The following TMOD1 variants were observed in gnomAD, a reference collection of about 807,000 sequenced individuals.
TMOD1 encodes tropomodulin-1.
TMOD1 carries 17 observed loss-of-function variants against 40.6 expected under a neutral mutation model. The ratio of observed to expected loss-of-function variants is 0.42; its 90% CI spans 0.29 to 0.63. TMOD1 has a LOEUF of 0.63. Among genes scored for constraint, TMOD1 ranks in the 20% least tolerant of loss-of-function variants. The probability of loss-of-function intolerance (pLI) is 0.22; values close to 1 mark genes in which losing one functional copy is unlikely to be tolerated. For synonymous variants in TMOD1, 181 were observed against 175.0 expected (o/e 1.03, Z -0.27); for missense variants, 391 against 447.6 (o/e 0.87, Z 1.14).
intron 3 of TMOD1, 29 bp from the exon 4 acceptor site, chr9:97,553,252 C>T (rs752589934): frequency 2.5e-6 from 4 of 1,613,120 alleles, no homozygotes; most frequent in East Asian, 2.2e-5. Flanking sequence ...TGCAGCCACT[C>T]CCGTAACAGG....
chr9:97,544,735 G>C (rs10982644), intron 2 of TMOD1, among the ~76,000 whole-genome samples: 3 of 151,832 alleles, frequency 2.0e-5, no homozygotes, highest in African/African-American at 4.8e-5. Context: ...AAGATTGAAA[G>C]TGGGGCTGGG....
chr9:97,555,653 C>T, intron 4 of TMOD1: 1 of 1,551,120 alleles, frequency 6.4e-7, no homozygotes, highest in Non-Finnish European at 8.7e-7. Flanking sequence ...AAGATGGCAG[C>T]ATCTCTGGGG....
intron 2 of TMOD1, among the ~76,000 whole-genome samples, chr9:97,530,632 C>T (rs1015113185): frequency 1.3e-5 from 2 of 151,888 alleles, no homozygotes; most frequent in African/African-American, 4.8e-5. Flanking sequence ...GGACTACAGG[C>T]GCCCGCCACC....
intron 1 of TMOD1, among the ~76,000 whole-genome samples, chr9:97,503,292 A>G (rs554018764): frequency 1.6e-4 from 24 of 152,102 alleles, no homozygotes; most frequent in South Asian, 1.2e-3. Context: ...GCACCCGATC[A>G]ATGCCCCCTC....
At chr9:97,568,864 G>T in intron 7 of TMOD1, 30 bp from the exon 8 acceptor site, 1 of 1,611,356 alleles carries the variant, frequency 6.2e-7, no homozygotes, top group Non-Finnish European at 8.5e-7. Context: ...GGTGACTCAT[G>T]GGTATCCTTG....
chr9:97,504,598 C>T (rs1829561146), intron 1 of TMOD1, among the ~76,000 whole-genome samples: 1 of 152,142 alleles, frequency 6.6e-6, no homozygotes. Context: ...CCTTCATCCC[C>T]TGGAATGAGC....
intron 8 of TMOD1, among the ~76,000 whole-genome samples, chr9:97,572,277 G>A (rs1830830724): frequency 6.6e-6 from 1 of 152,168 alleles, no homozygotes; most frequent in South Asian, 2.1e-4. Flanking sequence ...TACCCCCAGA[G>A]GAAAGCCAGA....
intron 2 of TMOD1, among the ~76,000 whole-genome samples, chr9:97,534,360 C>T (rs539297702): frequency 6.6e-6 from 1 of 152,322 alleles, no homozygotes; most frequent in African/African-American, 2.4e-5. Context: ...GTTGGCAGGA[C>T]TTTAACCAAA....
In TMOD1 at chr9:97,600,241, CAGAT is replaced by C. The variant is rs776079138; in HGVS notation, c.*547_*550del. Reference sequence around the variant, plus strand: ...CCAGAACACAATTTTCCCCTCAGAACAGATAGACAGACTGAAGCCACTGAACTCT... The same window carrying C: ...CCAGAACACAATTTTCCCCTCAGAACAGACAGACTGAAGCCACTGAACTCT... On this transcript the variant is annotated 3_prime_UTR_variant, in exon 10 of 10. Transcript: ENST00000259365. The C allele has an allele frequency of 1.0e-6, 1 of 988,348 alleles. No individual in the cohort carries two copies. The highest frequency in any genetic ancestry group is 1.2e-6 in the Non-Finnish European group (1 of 831,564). The allele number at this position is 988,348 out of a possible 1,614,324, so 61.2% of individuals were successfully genotyped here.
At chr9:97,581,886 C>G (rs1587957868) in intron 8 of TMOD1, among the ~76,000 whole-genome samples, 3 of 150,128 alleles carry the variant, frequency 2.0e-5, no homozygotes, top group African/African-American at 4.9e-5. Context: ...ATTGTAGATT[C>G]TGGATATTAG....
intron 2 of TMOD1, among the ~76,000 whole-genome samples, chr9:97,541,575 G>A (rs183864769): frequency 1.5e-4 from 23 of 151,598 alleles, no homozygotes; most frequent in African/African-American, 5.3e-4. Context: ...GAGTCTAGCG[G>A]CGTGATCTCA....
chr9:97,508,395 G>A (rs1392395519), intron 1 of TMOD1, among the ~76,000 whole-genome samples: 2 of 151,968 alleles, frequency 1.3e-5, no homozygotes, highest in Admixed American at 6.6e-5. Flanking sequence ...TCGCCATGTT[G>A]GTCAGGCTGG....
chr9:97,508,378 T>C (rs1211506357), intron 1 of TMOD1, among the ~76,000 whole-genome samples: 3 of 151,920 alleles, frequency 2.0e-5, no homozygotes, highest in African/African-American at 7.3e-5. Context: ...TTAGTAGAGA[T>C]GGGGTTTCGC....
At chr9:97,585,152 C>T (rs1355023468) in intron 8 of TMOD1, among the ~76,000 whole-genome samples, 2 of 152,204 alleles carry the variant, frequency 1.3e-5, no homozygotes, top group Non-Finnish European at 1.5e-5. Context: ...CCAGTTGTTC[C>T]TTTCCATGTT....
intron 9 of TMOD1, among the ~76,000 whole-genome samples, chr9:97,594,277 A>G (rs1166648889): frequency 2.6e-5 from 4 of 152,242 alleles, no homozygotes; most frequent in Non-Finnish European, 4.4e-5. Flanking sequence ...TAGCTTTAAA[A>G]TGAAATTTGC....
At chr9:97,544,469 G>C (rs1044812205) in intron 2 of TMOD1, among the ~76,000 whole-genome samples, 1 of 151,632 alleles carries the variant, frequency 6.6e-6, no homozygotes, top group African/African-American at 2.4e-5. Flanking sequence ...CCGGGAGGTG[G>C]AGGTTGCATT....
At chr9:97,574,860 G>A (rs1490849713) in intron 8 of TMOD1, among the ~76,000 whole-genome samples, 3 of 152,196 alleles carry the variant, frequency 2.0e-5, no homozygotes, top group Non-Finnish European at 4.4e-5. Flanking sequence ...ATCTAGTGGG[G>A]AGGTGGAGAA....
chr9:97,592,755 C>A (rs887070790), intron 9 of TMOD1, among the ~76,000 whole-genome samples: 1 of 152,116 alleles, frequency 6.6e-6, no homozygotes, highest in Non-Finnish European at 1.5e-5. Flanking sequence ...CACTTTAGAT[C>A]GAGTTATTAA....
rs1826252233 is a variant in TMOD1, at chr9:97,601,262, G to A, written c.*1564G>A. On this transcript the variant is annotated 3_prime_UTR_variant, in exon 10 of 10. Transcript: ENST00000259365. ...AATCTGTTGGTCTATGCATGGCTGC[G>A]TATGTGTTTCTTGGAACCTGTGTGA... 17 of 1,205,320 alleles carry A rather than the reference G, an allele frequency of 1.4e-5. No individual in the cohort carries two copies. The Admixed American group carries it at 2.5e-4, about 17-fold the overall frequency. The allele number at this position is 1,205,320 out of a possible 1,614,324, so 74.7% of individuals were successfully genotyped here. A position where few individuals can be genotyped will look rare whatever the true frequency, so the allele number is the denominator to read the frequency against.
Sources: gnomAD v4.1 joint callset for allele counts (sites outside exome capture counted in the v4.1 genomes callset) on GRCh38, gnomAD v4.1.1 for gene constraint, MANE v1.5 for transcripts, NCBI Gene and HGNC (gene_info 2026-07-23, HGNC 2026-07-21) for gene names.